AKAP6: variants seen among roughly 807,000 people sequenced by gnomAD.
The protein encoded by AKAP6 is A-kinase anchoring protein 6.
In AKAP6, 58 loss-of-function variants were observed where a neutral mutation model predicts 188.5. The ratio of observed to expected loss-of-function variants is 0.31; its 90% CI spans 0.25 to 0.38. The LOEUF is 0.38. Among genes scored for constraint, AKAP6 ranks in the 10% least tolerant of loss-of-function variants. AKAP6 has a pLI of 1.00. For missense variants in AKAP6, 2,710 were observed against 2,740.0 expected, an observed-to-expected ratio of 0.99 and a Z score of 0.24; for synonymous variants, 989 against 998.6, an observed-to-expected ratio of 0.99 and a Z score of 0.18.
intron 7 of AKAP6, among the ~76,000 whole-genome samples, chr14:32,606,999 T>A (rs1713675732): frequency 6.6e-6 from 1 of 152,142 alleles, no homozygotes; most frequent in Non-Finnish European, 1.5e-5. Flanking sequence ...AGTGTTAGCA[T>A]GTGTTTTTGT....
chr14:32,798,719 C>G (rs2033848993), intron 12 of AKAP6, among the ~76,000 whole-genome samples: 1 of 151,980 alleles, frequency 6.6e-6, no homozygotes, highest in Non-Finnish European at 1.5e-5. Flanking sequence ...TGGGGACTAC[C>G]TGAGAATGGA....
chr14:32,572,112 T>C (rs1056340936), intron 4 of AKAP6, among the ~76,000 whole-genome samples: 1 of 152,194 alleles, frequency 6.6e-6, no homozygotes, highest in Admixed American at 6.5e-5. Flanking sequence ...CTGGGTCTGA[T>C]AATTTGTCTG....
intron 12 of AKAP6, among the ~76,000 whole-genome samples, chr14:32,802,852 C>A (rs2033985732): frequency 6.6e-6 from 1 of 152,192 alleles, no homozygotes; most frequent in Admixed American, 6.5e-5. Context: ...AATTCCAGCA[C>A]TTTGGGACGC....
intron 9 of AKAP6, among the ~76,000 whole-genome samples, chr14:32,696,635 A>G (rs1396480073): frequency 3.9e-5 from 6 of 152,208 alleles, no homozygotes; most frequent in Admixed American, 1.3e-4. Context: ...GTGATTTAAG[A>G]AAACTGGCTT....
chr14:32,543,177 A>T (rs1222098372), intron 3 of AKAP6, among the ~76,000 whole-genome samples: 2 of 152,180 alleles, frequency 1.3e-5, no homozygotes, highest in African/African-American at 4.8e-5. Flanking sequence ...TGTATCCATT[A>T]ACCAGCCTCT....
intron 11 of AKAP6, among the ~76,000 whole-genome samples, chr14:32,757,722 A>C (rs1183606972): frequency 6.6e-6 from 1 of 152,210 alleles, no homozygotes; most frequent in Non-Finnish European, 1.5e-5. Flanking sequence ...ACACAGGCTA[A>C]ACGGAGATAC....
At chr14:32,739,893 G>A (rs535324358) in intron 11 of AKAP6, among the ~76,000 whole-genome samples, 13 of 152,014 alleles carry the variant, frequency 8.6e-5, no homozygotes, top group South Asian at 2.1e-4. Flanking sequence ...TATACCTAGC[G>A]GTGGGATTGT....
At chr14:32,762,548 T>C (rs923342987) in intron 11 of AKAP6, among the ~76,000 whole-genome samples, 3 of 152,082 alleles carry the variant, frequency 2.0e-5, no homozygotes, top group Non-Finnish European at 4.4e-5. Flanking sequence ...GCAGCTTTCG[T>C]GGGATAACTC....
At chr14:32,761,589 C>T (rs1334800870) in intron 11 of AKAP6, among the ~76,000 whole-genome samples, 2 of 152,082 alleles carry the variant, frequency 1.3e-5, no homozygotes, top group African/African-American at 2.4e-5. Flanking sequence ...AATAATCTGT[C>T]CTCTCCCATG....
chr14:32,369,159 G>A (rs963988754), intron 1 of AKAP6, among the ~76,000 whole-genome samples: 8 of 152,154 alleles, frequency 5.3e-5, no homozygotes, highest in Admixed American at 5.2e-4. Flanking sequence ...GGTCATTGCA[G>A]GGACCCAGAT....
chr14:32,817,394 T>C (rs1268684326), intron 12 of AKAP6, among the ~76,000 whole-genome samples: 1 of 152,110 alleles, frequency 6.6e-6, no homozygotes, highest in Admixed American at 6.6e-5. Flanking sequence ...AGTGTAAAAA[T>C]AATAAAATAA....
At chr14:32,521,472 A>C (rs1295072925) in intron 2 of AKAP6, among the ~76,000 whole-genome samples, 1 of 152,236 alleles carries the variant, frequency 6.6e-6, no homozygotes, top group East Asian at 1.9e-4. Context: ...TTAAGCTGAT[A>C]AGCAACTTCA....
chr14:32,781,943 A>T (rs2033263894), intron 12 of AKAP6, among the ~76,000 whole-genome samples: 1 of 152,060 alleles, frequency 6.6e-6, no homozygotes, highest in Non-Finnish European at 1.5e-5. Context: ...TGGGTGGATC[A>T]CTTGAGGCCA....
At chr14:32,768,849 T>G (rs1348286295) in intron 11 of AKAP6, among the ~76,000 whole-genome samples, 1 of 152,022 alleles carries the variant, frequency 6.6e-6, no homozygotes, top group African/African-American at 2.4e-5. Flanking sequence ...AGAAGACGTA[T>G]AGTAGCATCA....
At chr14:32,535,304 G>A (rs1481863369) in intron 2 of AKAP6, among the ~76,000 whole-genome samples, 1 of 152,150 alleles carries the variant, frequency 6.6e-6, no homozygotes, top group Non-Finnish European at 1.5e-5. Flanking sequence ...TTCAATTTGG[G>A]CATCTGATGG....
At chr14:32,613,111 T>C (rs777120047) in intron 7 of AKAP6, among the ~76,000 whole-genome samples, 12 of 152,234 alleles carry the variant, frequency 7.9e-5, no homozygotes, top group Admixed American at 4.6e-4. Context: ...AAATATATGA[T>C]TGGGGAGCTC....
chr14:32,780,991 A>G (rs2033232881), intron 12 of AKAP6, among the ~76,000 whole-genome samples: 1 of 152,190 alleles, frequency 6.6e-6, no homozygotes, highest in Non-Finnish European at 1.5e-5. Context: ...GGATGCCACC[A>G]AAACTAAGAT....
chr14:32,503,470 T>G (rs1261557481), intron 2 of AKAP6, among the ~76,000 whole-genome samples: 2 of 152,200 alleles, frequency 1.3e-5, no homozygotes, highest in African/African-American at 4.8e-5. Flanking sequence ...TGGCCCTGGA[T>G]TTTGAATTCA....
chr14:32,492,355 T>TATATAGAGAGAGAGAGAGAGAG lies in AKAP6; in HGVS notation c.325-43198_325-43197insTATAGAGAGAGAGAGAGAGAGA. 3.1e-4 allele frequency among the ~76,000 whole-genome samples: 26 copies of TATATAGAGAGAGAGAGAGAGAG among 82,608 alleles called. No individual in the cohort carries two copies. The East Asian group carries it at 5.9e-3, about 19-fold the overall frequency. 54.2% of individuals were successfully genotyped at this position (82,608 alleles called of 152,430 possible). On this transcript the variant is annotated intron_variant, in intron 2 of 13. Coordinates refer to ENST00000280979, the MANE Select transcript of AKAP6 (RefSeq NM_004274.5). ...ACATTGTAATATATATATATATATA[T>TATATAGAGAGAGAGAGAGAGAG]AGAGAGAGAGAGAGAGAGAGAGAGA...
Sources: allele counts gnomAD v4.1 joint callset (sites outside exome capture counted in the v4.1 genomes callset), GRCh38; gene constraint gnomAD v4.1.1; transcripts MANE v1.5; gene names NCBI Gene and HGNC (gene_info 2026-07-23, HGNC 2026-07-21).